The following STK32A variants were observed in gnomAD, a reference collection of about 807,000 sequenced individuals.
The protein encoded by STK32A is serine/threonine-protein kinase 32A.
Under a neutral mutation model 53.2 loss-of-function variants are expected in STK32A, and 41 were observed. The observed-to-expected ratio is 0.77, with a 90% CI of 0.60 to 1.00. STK32A has a LOEUF of 1.00. STK32A is among the 50% of genes least tolerant of loss of function. The pLI is 0.00. For missense variants in STK32A, 458 were observed against 485.8 expected (o/e 0.94, Z 0.54); for synonymous variants, 166 against 162.8 (o/e 1.02, Z -0.15).
intron 2 of STK32A, among the ~76,000 whole-genome samples, chr5:147,275,530 C>T (rs938841452): frequency 6.6e-6 from 1 of 152,114 alleles, no homozygotes; most frequent in African/African-American, 2.4e-5. Context: ...CACTACATTA[C>T]CCAAGCTAGT....
At chr5:147,267,739 G>C (rs1754868474) in intron 2 of STK32A, among the ~76,000 whole-genome samples, 2 of 152,118 alleles carry the variant, frequency 1.3e-5, no homozygotes, top group African/African-American at 4.8e-5. Context: ...AATTGATTGA[G>C]TCAACATTTA....
chr5:147,356,329 T>C (rs979486118), intron 7 of STK32A, among the ~76,000 whole-genome samples: 1 of 152,212 alleles, frequency 6.6e-6, no homozygotes, highest in Non-Finnish European at 1.5e-5. Flanking sequence ...CTAAAAACAG[T>C]TCTGTGAGGC....
intron 4 of STK32A, among the ~76,000 whole-genome samples, chr5:147,302,478 A>G (rs930596902): frequency 2.6e-5 from 4 of 152,206 alleles, no homozygotes; most frequent in African/African-American, 9.6e-5. Context: ...GTAAGGTTTA[A>G]TGCATAGTTA....
At chr5:147,312,677 T>C (rs1487846140) in intron 4 of STK32A, among the ~76,000 whole-genome samples, 1 of 152,148 alleles carries the variant, frequency 6.6e-6, no homozygotes, top group Non-Finnish European at 1.5e-5. Context: ...AGCTTCTTGG[T>C]CTATTGATGA....
At chr5:147,391,366 A>T (rs1267022416), downstream of STK32A, 1 of 152,638 alleles carries the variant, frequency 6.6e-6, no homozygotes, top group Non-Finnish European at 1.5e-5. Context: ...AACTGATTTA[A>T]CAATTTCCCA....
At chr5:147,325,967 T>C (rs903969230) in intron 5 of STK32A, among the ~76,000 whole-genome samples, 3 of 152,184 alleles carry the variant, frequency 2.0e-5, no homozygotes, top group Admixed American at 6.5e-5. Flanking sequence ...TTTCACTCTC[T>C]CTCCTTTTCC....
At chr5:147,322,149 G>A (rs1045997266) in intron 4 of STK32A, among the ~76,000 whole-genome samples, 6 of 152,116 alleles carry the variant, frequency 3.9e-5, no homozygotes, top group Non-Finnish European at 7.4e-5. Context: ...CTTTCCTCAT[G>A]CCCAATACAC....
At chr5:147,372,986 C>T (rs543886977) in intron 9 of STK32A, among the ~76,000 whole-genome samples, 183 bp from the exon 10 acceptor site, 3 of 152,222 alleles carry the variant, frequency 2.0e-5, no homozygotes, top group African/African-American at 7.2e-5. Context: ...CATCACATTG[C>T]AGAATCCTAC....
chr5:147,373,208 T>C lies in STK32A; in HGVS notation c.817T>C (p.Ser273Pro), dbSNP rs1320452271. The C allele has an allele frequency of 1.2e-6, 2 of 1,613,512 alleles. No homozygotes were observed. Among genetic ancestry groups the C allele is most frequent in the Non-Finnish European group, 1.7e-6 (2 of 1,179,598 alleles). The part of the protein sequence containing the change: ...PNPDQRFSQL[S>P]DVQNFPYMND... ...TCCAGACCAACGATTTTCTCAGTTA[T>C]CTGATGTCCAGAACTTCCCGTATAT... Residue 273 changes from serine (S) to proline (P), a missense_variant, in exon 10 of 13, where the codon TCT becomes CCT. Ser to Pro is a moderately conservative substitution (Grantham distance 74, BLOSUM62 -1). Transcript: ENST00000397936.
chr5:147,379,049 C>G (rs768692899), intron 11 of STK32A, among the ~76,000 whole-genome samples: 1 of 151,366 alleles, frequency 6.6e-6, no homozygotes, highest in Non-Finnish European at 1.5e-5. Context: ...TTGATTCTAT[C>G]TGGGAACCTG....
chr5:147,311,877 C>T (rs1753714195), intron 4 of STK32A, among the ~76,000 whole-genome samples: 2 of 151,922 alleles, frequency 1.3e-5, no homozygotes, highest in Non-Finnish European at 2.9e-5. Context: ...GGATTACAAG[C>T]GTGAGTCATC....
In STK32A at chr5:147,348,684, T is replaced by C. The variant is rs766511359; in HGVS notation, c.473-2381T>C. The C allele has an allele frequency of 2.8e-5, 22 of 772,378 alleles. No homozygotes were observed. The South Asian group carries it at 3.0e-4, about 11-fold the overall frequency. The allele number at this position is 772,378 out of a possible 1,614,324, so 47.8% of individuals were successfully genotyped here. ...CTGAATCACCTGTGGAATTTGTTGT[T>C]TTTAATACAGATACCTGGCTCTCCT... On this transcript the variant is annotated intron_variant, in intron 6 of 12. Coordinates refer to ENST00000397936, the MANE Select transcript of STK32A (RefSeq NM_001112724.2).
the STK32A span, among the ~76,000 whole-genome samples, chr5:147,399,932 C>T: frequency 3.3e-5 from 5 of 152,052 alleles, no homozygotes; most frequent in South Asian, 2.1e-4. Flanking sequence ...AGCCTCTTTA[C>T]GGAAAGAATT....
At chr5:147,273,374 A>G (rs1173254658) in intron 2 of STK32A, among the ~76,000 whole-genome samples, 1 of 152,218 alleles carries the variant, frequency 6.6e-6, no homozygotes, top group East Asian at 1.9e-4. Context: ...CAATAAGAAT[A>G]ACATTAAGAT....
intron 6 of STK32A, among the ~76,000 whole-genome samples, chr5:147,348,520 G>A (rs1755799970): frequency 1.3e-5 from 2 of 152,124 alleles, no homozygotes; most frequent in African/African-American, 2.4e-5. Context: ...TGCTGATCTG[G>A]GCACTACATT....
intron 4 of STK32A, among the ~76,000 whole-genome samples, chr5:147,315,204 C>G (rs1169064298): frequency 6.6e-6 from 1 of 152,148 alleles, no homozygotes; most frequent in East Asian, 1.9e-4. Flanking sequence ...TCCATTTGAT[C>G]CAACAATTCC....
Position 147,378,335 on chromosome 5 carries a change from A to G in STK32A, c.1032+3117A>G, listed in dbSNP as rs17106592. The stretch of plus-strand genomic sequence containing the variant: ...AGGACAAGAGCATTTCAAGGCTGGC[A>G]CATCTCAGGGCACAGGCAGATCTTA... On this transcript the variant is annotated intron_variant, in intron 11 of 12. Coordinates refer to ENST00000397936, the MANE Select transcript of STK32A (RefSeq NM_001112724.2). Among the ~76,000 whole-genome samples, 1,994 of 152,264 alleles carry G rather than the reference A, an allele frequency of 0.013. 146 individuals are homozygous for G. In the East Asian group the frequency reaches 0.2, roughly 15 times the overall value.
intron 4 of STK32A, among the ~76,000 whole-genome samples, chr5:147,308,138 TTA>T (rs3995475): frequency 0.024 from 3,554 of 148,330 alleles, 109 homozygotes; most frequent in South Asian, 0.14. Context: ...TTCATACATT[TTA>T]TATATATATA....
chr5:147,384,552 T>A lies in STK32A; in HGVS notation c.*569T>A. The A allele has an allele frequency of 2.4e-6, 2 of 818,742 alleles. No homozygotes were observed. The highest frequency in any genetic ancestry group is 3.8e-6 in the Non-Finnish European group (2 of 522,554). The allele number at this position is 818,742 out of a possible 1,614,324, so 50.7% of individuals were successfully genotyped here. On this transcript the variant is annotated 3_prime_UTR_variant, in exon 13 of 13. Transcript: ENST00000397936. ...GATGAGGGCCTTCCAGTGATATGCG[T>A]GAATCAGCATTAGATCCGCTTATCT...
Sources: allele counts gnomAD v4.1 joint callset (sites outside exome capture counted in the v4.1 genomes callset), GRCh38; gene constraint gnomAD v4.1.1; transcripts MANE v1.5; gene names NCBI Gene and HGNC (gene_info 2026-07-23, HGNC 2026-07-21).